Variants in MIR2052HG observed in about 807,000 individuals in gnomAD.
MIR2052HG encodes the protein MIR2052 host gene.
rs146026368 is a variant in MIR2052HG at position 74,641,147 on chromosome 8, C to A, written n.216+28207C>A. Among the ~76,000 whole-genome samples, 724 of 152,270 alleles carry A rather than the reference C, an allele frequency of 4.8e-3. 5 individuals carry two copies. The highest frequency in any genetic ancestry group is 0.017 in the African/African-American group (689 of 41,558). ...AAGAAATTGCTAGGACATTTACATT[C>A]ATTAATTATTGAAAATGAAACAGCC... On this transcript the variant is annotated intron_variant and non_coding_transcript_variant, in intron 2 of 6. Coordinates refer to ENST00000523442, the Ensembl canonical transcript of MIR2052HG.
intron 4 of MIR2052HG, among the ~76,000 whole-genome samples, chr8:74,744,762 T>A (rs1176970125): frequency 6.6e-6 from 1 of 152,076 alleles, no homozygotes; most frequent in Non-Finnish European, 1.5e-5. Flanking sequence ...TCTTTGCTAT[T>A]GTGAATAATG....
chr8:74,754,303 A>G (rs1047789777), intron 5 of MIR2052HG, among the ~76,000 whole-genome samples: 1 of 152,190 alleles, frequency 6.6e-6, no homozygotes, highest in Non-Finnish European at 1.5e-5. Flanking sequence ...ATTTAATAGT[A>G]TTGATTACCA....
intron 2 of MIR2052HG, among the ~76,000 whole-genome samples, chr8:74,613,507 C>T (rs1808230585): frequency 6.6e-6 from 1 of 152,052 alleles, no homozygotes; most frequent in East Asian, 1.9e-4. Flanking sequence ...TCACCCGAGA[C>T]AGAGTCTCGC....
chr8:74,608,103 TTCCTGGTAGGTTAAAATTTC>T (rs1808138503), intron 1 of MIR2052HG, among the ~76,000 whole-genome samples: 1 of 152,212 alleles, frequency 6.6e-6, no homozygotes, highest in Non-Finnish European at 1.5e-5. Flanking sequence ...TTCAGACAGT[TTCCTGGTAGGTTAAAATTTC>T]ATAGCAGGCA....
chr8:74,704,730 C>T (rs1034510414), intron 4 of MIR2052HG, among the ~76,000 whole-genome samples: 4 of 152,184 alleles, frequency 2.6e-5, no homozygotes, highest in African/African-American at 9.6e-5. Flanking sequence ...AATGTTTCAT[C>T]TACTGAGATC....
At chr8:74,603,764 G>T in intron 1 of MIR2052HG, 1 of 847,862 alleles carries the variant, frequency 1.2e-6, no homozygotes, top group Non-Finnish European at 2.1e-6. Context: ...ACACAGATCT[G>T]TTTGACACAC....
chr8:74,748,321 A>G (rs895846672), intron 4 of MIR2052HG, among the ~76,000 whole-genome samples: 2 of 152,216 alleles, frequency 1.3e-5, no homozygotes, highest in African/African-American at 4.8e-5. Context: ...TGGTCTAGTA[A>G]AAGTCCAGGA....
chr8:74,695,494 TC>T (rs1809286227), intron 2 of MIR2052HG, among the ~76,000 whole-genome samples: 1 of 152,058 alleles, frequency 6.6e-6, no homozygotes, highest in Non-Finnish European at 1.5e-5. Flanking sequence ...GCCTAAATGC[TC>T]CACTTAAAGG....
chr8:74,638,765 A>G (rs72667579), intron 2 of MIR2052HG, among the ~76,000 whole-genome samples: 2,090 of 152,298 alleles, frequency 0.014, 25 homozygotes, highest in Non-Finnish European at 0.024. Context: ...ATAAAGATGT[A>G]GAGTGGGAGT....
chr8:74,674,288 G>C (rs1809027509), intron 2 of MIR2052HG, among the ~76,000 whole-genome samples: 1 of 151,584 alleles, frequency 6.6e-6, no homozygotes, highest in Non-Finnish European at 1.5e-5. Flanking sequence ...GTCAGTGGTA[G>C]AACAACTATA....
At chr8:74,681,375 C>T (rs531483150) in intron 2 of MIR2052HG, among the ~76,000 whole-genome samples, 169 of 151,922 alleles carry the variant, frequency 1.1e-3, no homozygotes, top group Non-Finnish European at 1.5e-3. Context: ...TGAGCCAAAA[C>T]CTTTCTAATA....
chr8:74,608,350 T>C (rs1208109544), intron 1 of MIR2052HG, among the ~76,000 whole-genome samples: 2 of 152,152 alleles, frequency 1.3e-5, no homozygotes, highest in Non-Finnish European at 2.9e-5. Flanking sequence ...GAAAATAATT[T>C]TTTAAATTGT....
intron 4 of MIR2052HG, among the ~76,000 whole-genome samples, chr8:74,742,629 GA>G (rs1331831149): frequency 6.6e-6 from 1 of 152,022 alleles, no homozygotes; most frequent in Non-Finnish European, 1.5e-5. Flanking sequence ...CTCCTTTTCT[GA>G]TGGGAAAGTT....
chr8:74,750,258 A>T (rs1809930480), intron 4 of MIR2052HG, among the ~76,000 whole-genome samples: 1 of 152,216 alleles, frequency 6.6e-6, no homozygotes, highest in Non-Finnish European at 1.5e-5. Flanking sequence ...CTAAGTGAAA[A>T]ATCAAGACCA....
chr8:74,617,058 T>C (rs1808292565), intron 2 of MIR2052HG, among the ~76,000 whole-genome samples: 1 of 152,210 alleles, frequency 6.6e-6, no homozygotes, highest in African/African-American at 2.4e-5. Context: ...AAATACTTAC[T>C]TTCCTCACTA....
At chr8:74,697,676 C>A (rs1809312676) in intron 2 of MIR2052HG, among the ~76,000 whole-genome samples, 1 of 152,108 alleles carries the variant, frequency 6.6e-6, no homozygotes, top group Non-Finnish European at 1.5e-5. Context: ...CTGCTATACA[C>A]CAACAGCGAC....
intron 1 of MIR2052HG, chr8:74,603,428 G>A: frequency 6.2e-7 from 1 of 1,608,220 alleles, no homozygotes; most frequent in Non-Finnish European, 8.5e-7. Context: ...ATTTTGATCT[G>A]TGCCCCAGAC....
At chr8:74,734,657 TA>T (rs779289801) in intron 4 of MIR2052HG, among the ~76,000 whole-genome samples, 11 of 152,192 alleles carry the variant, frequency 7.2e-5, no homozygotes, top group Non-Finnish European at 8.8e-5. Context: ...GCAAAAGAGA[TA>T]AAGGGAACCC....
At chr8:74,740,471 A>G (rs1284792886) in intron 4 of MIR2052HG, among the ~76,000 whole-genome samples, 2 of 152,154 alleles carry the variant, frequency 1.3e-5, no homozygotes, top group African/African-American at 4.8e-5. Context: ...CTAAAAAAAA[A>G]TTGTTTAACA....
Sources: allele counts gnomAD v4.1 joint callset (sites outside exome capture counted in the v4.1 genomes callset), GRCh38; gene constraint gnomAD v4.1.1; transcripts MANE v1.5; gene names NCBI Gene and HGNC (gene_info 2026-07-23, HGNC 2026-07-21).